Variants in DOCK9 observed in about 807,000 individuals in gnomAD.
DOCK9 encodes the protein dedicator of cytokinesis 9, also known as dedicator of cytokinesis protein 9.
In DOCK9, 89 loss-of-function variants were observed where a neutral mutation model predicts 263.3. That is an observed-to-expected ratio of 0.34 (90% CI 0.28 to 0.40). The LOEUF is 0.40. Among genes scored for constraint, DOCK9 ranks in the 10% least tolerant of loss-of-function variants. DOCK9 has a pLI of 1.00. For missense variants in DOCK9, 2,140 were observed against 2,603.4 expected (o/e 0.82, Z 3.87); for synonymous variants, 976 against 973.1 (o/e 1.00, Z -0.06).
chr13:98,906,014 GC>G (rs2049035067), intron 9 of DOCK9, among the ~76,000 whole-genome samples: 1 of 152,170 alleles, frequency 6.6e-6, no homozygotes, highest in Non-Finnish European at 1.5e-5. Flanking sequence ...AGCTTGGGCA[GC>G]CTGCTGAATG....
At chr13:98,824,000 C>A (rs1197305023) in intron 45 of DOCK9, among the ~76,000 whole-genome samples, 1 of 152,104 alleles carries the variant, frequency 6.6e-6, no homozygotes, top group African/African-American at 2.4e-5. Flanking sequence ...TTGAGTTTGC[C>A]CTGGGGATAT....
chr13:98,890,315 T>C (rs2046421965), intron 15 of DOCK9, among the ~76,000 whole-genome samples: 1 of 151,024 alleles, frequency 6.6e-6, no homozygotes, highest in Non-Finnish European at 1.5e-5. Flanking sequence ...TCACCCTCCC[T>C]AGCATCTGGT....
intron 1 of DOCK9, among the ~76,000 whole-genome samples, chr13:99,026,795 C>T (rs934482384): frequency 1.2e-4 from 18 of 152,142 alleles, no homozygotes; most frequent in African/African-American, 4.3e-4. Context: ...ATTTAAAAAT[C>T]GGCTCTATTG....
chr13:99,001,124 T>G (rs952933580), intron 1 of DOCK9, among the ~76,000 whole-genome samples: 1 of 152,182 alleles, frequency 6.6e-6, no homozygotes, highest in African/African-American at 2.4e-5. Flanking sequence ...AAACAATGAT[T>G]CTAAGGTTCT....
chr13:98,850,009 A>G, intron 36 of DOCK9, 38 bp downstream of exon 36: 2 of 1,450,672 alleles, frequency 1.4e-6, no homozygotes, highest in East Asian at 2.4e-5. Flanking sequence ...GATCCAGGAA[A>G]AAATCAAGAG....
At chr13:98,880,044 C>T in intron 26 of DOCK9, 75 bp from the exon 27 acceptor site, 1 of 1,165,792 alleles carries the variant, frequency 8.6e-7, no homozygotes. Context: ...CTCAGGCTGA[C>T]AATATTATTG....
intron 1 of DOCK9, among the ~76,000 whole-genome samples, chr13:99,083,115 C>G (rs1243852649): frequency 6.6e-6 from 1 of 152,070 alleles, no homozygotes; most frequent in African/African-American, 2.4e-5. Flanking sequence ...ATCAGCTGGG[C>G]ATGGTAGAAC....
intron 52 of DOCK9, among the ~76,000 whole-genome samples, chr13:98,795,445 G>A (rs528799435): frequency 2.6e-5 from 4 of 152,202 alleles, no homozygotes; most frequent in African/African-American, 4.8e-5. Context: ...CCCCCGCCAC[G>A]GCCCTTCAGG....
At chr13:98,932,431 C>CAAACA (rs2054116292) in intron 2 of DOCK9, among the ~76,000 whole-genome samples, 1 of 134,100 alleles carries the variant, frequency 7.5e-6, no homozygotes, top group South Asian at 2.6e-4. Flanking sequence ...AACAAACAAA[C>CAAACA]AAAAAAACAG....
In DOCK9 at chr13:98,805,294, T is replaced by C. The variant is rs2090569490; in HGVS notation, c.5515-85A>G. Reference sequence around the variant, plus strand: ...ACCTACGTGGTATTTTCCAACATTTTATTTGTAAATATAACGGAGAGAAGA... The same window carrying C: ...ACCTACGTGGTATTTTCCAACATTTCATTTGTAAATATAACGGAGAGAAGA... On this transcript the variant is annotated intron_variant, in intron 48 of 52. Transcript: ENST00000682017. 5.9e-6 allele frequency: 7 copies of C among 1,186,418 alleles called. 1 individual carries two copies. The Admixed American group carries it at 1.4e-4, about 24-fold the overall frequency. The allele number at this position is 1,186,418 out of a possible 1,614,324, so 73.5% of individuals were successfully genotyped here. A position where few individuals can be genotyped will look rare whatever the true frequency, so the allele number is the denominator to read the frequency against.
At chr13:98,998,455 G>A (rs1453332991) in intron 1 of DOCK9, among the ~76,000 whole-genome samples, 2 of 152,138 alleles carry the variant, frequency 1.3e-5, no homozygotes, top group Non-Finnish European at 2.9e-5. Context: ...TGCACTTACA[G>A]CACTCATGGC....
At chr13:99,043,247 G>T (rs1033401620) in intron 1 of DOCK9, among the ~76,000 whole-genome samples, 1 of 152,342 alleles carries the variant, frequency 6.6e-6, no homozygotes, top group South Asian at 2.1e-4. Flanking sequence ...GGACTTTTAG[G>T]CAAAAGGAAG....
At chr13:98,942,220 G>GTTTTTTTTTTTTTTTTT (rs60412646) in intron 2 of DOCK9, among the ~76,000 whole-genome samples, 1 of 132,430 alleles carries the variant, frequency 7.6e-6, no homozygotes, top group African/African-American at 3.0e-5. Flanking sequence ...CTCTGGTTAT[G>GTTTTTTTTTTTTTTTTT]TTTTTTTTTT....
intron 1 of DOCK9, chr13:99,025,181 A>C (rs1289029660): frequency 6.6e-6 from 1 of 152,220 alleles, no homozygotes; most frequent in Non-Finnish European, 1.5e-5. Context: ...CCACATAAGA[A>C]CTGGACAGAT....
At chr13:99,017,167 T>C (rs539060822) in intron 1 of DOCK9, among the ~76,000 whole-genome samples, 5 of 152,322 alleles carry the variant, frequency 3.3e-5, no homozygotes, top group African/African-American at 1.2e-4. Context: ...CAAAGGGTGA[T>C]TCTGTGAAAA....
chr13:98,832,914 G>A (rs182170908), intron 39 of DOCK9: 8 of 152,260 alleles, frequency 5.3e-5, no homozygotes, highest in Admixed American at 2.0e-4. Context: ...TTATGGTTGC[G>A]GTCATAGTTT....
intron 7 of DOCK9, among the ~76,000 whole-genome samples, chr13:98,918,014 G>A (rs2051190423): frequency 6.6e-6 from 1 of 152,108 alleles, no homozygotes; most frequent in Non-Finnish European, 1.5e-5. Context: ...ATCTGATTCT[G>A]GACCCCTCCC....
intron 34 of DOCK9, 132 bp downstream of exon 34, chr13:98,855,766 C>T (rs1345302167): frequency 1.2e-5 from 12 of 1,026,868 alleles, no homozygotes; most frequent in Non-Finnish European, 1.7e-5. Context: ...TCATCACCTA[C>T]TCCAGGTCAG....
intron 1 of DOCK9, among the ~76,000 whole-genome samples, chr13:99,076,449 C>T (rs2041913809): frequency 6.6e-6 from 1 of 152,192 alleles, no homozygotes; most frequent in South Asian, 2.1e-4. Flanking sequence ...ATGCAAAGAT[C>T]CCCATACGGA....
Sources: allele counts gnomAD v4.1 joint callset (sites outside exome capture counted in the v4.1 genomes callset), GRCh38; gene constraint gnomAD v4.1.1; transcripts MANE v1.5; gene names NCBI Gene and HGNC (gene_info 2026-07-23, HGNC 2026-07-21).